Variants in BICD2 observed in about 807,000 individuals in gnomAD.
The protein encoded by BICD2 is protein bicaudal D homolog 2.
Under a neutral mutation model 72.9 loss-of-function variants are expected in BICD2, and 25 were observed. The observed-to-expected ratio is 0.34, with a 90% CI of 0.25 to 0.48. The LOEUF (loss-of-function observed/expected upper bound fraction) is 0.48. Among genes scored for constraint, BICD2 ranks in the 20% least tolerant of loss-of-function variants. BICD2 has a pLI of 0.99. For synonymous variants in BICD2, 501 were observed against 516.1 expected (o/e 0.97, Z 0.40); for missense variants, 894 against 1,175.2 (o/e 0.76, Z 3.50).
rs1029796850 is a variant in BICD2, at chr9:92,714,918, C to A, written c.*236G>T. On this transcript the variant is annotated 3_prime_UTR_variant, in exon 7 of 7. Coordinates refer to ENST00000356884, the MANE Select transcript of BICD2 (RefSeq NM_001003800.2). ...GTGCAGCTCTATCCCCACCTCTGAC[C>A]CCCACCTAAGAGAGCAGCTGAGGAC... 2 of 1,346,312 alleles carry A rather than the reference C, an allele frequency of 1.5e-6. No homozygotes were observed. The highest frequency in any genetic ancestry group is 9.5e-7 in the Non-Finnish European group (1 of 1,051,750). The allele number at this position is 1,346,312 out of a possible 1,614,324, so 83.4% of individuals were successfully genotyped here.
chr9:92,715,816 G>A (rs886425283), intron 6 of BICD2, among the ~76,000 whole-genome samples: 9 of 152,320 alleles, frequency 5.9e-5, no homozygotes, highest in African/African-American at 2.2e-4. Flanking sequence ...GCTTCTTCTA[G>A]GAGGCGCTCT....
chr9:92,760,201 C>T (rs922872231), intron 1 of BICD2, among the ~76,000 whole-genome samples: 1 of 152,156 alleles, frequency 6.6e-6, no homozygotes, highest in Admixed American at 6.5e-5. Flanking sequence ...GTGCCAGGCA[C>T]CCCCAGGGGC....
intron 1 of BICD2, among the ~76,000 whole-genome samples, chr9:92,752,419 G>A (rs924064536): frequency 3.3e-5 from 5 of 152,082 alleles, no homozygotes; most frequent in Non-Finnish European, 5.9e-5. Context: ...GCCAAAGCTG[G>A]AGCAATTTGA....
At chr9:92,754,795 C>T (rs1290909800) in intron 1 of BICD2, among the ~76,000 whole-genome samples, 1 of 152,170 alleles carries the variant, frequency 6.6e-6, no homozygotes, top group East Asian at 1.9e-4. Context: ...TTTCCTATGC[C>T]TGTCTTTACT....
chr9:92,722,586 G>A, intron 3 of BICD2, 70 bp downstream of exon 3: 1 of 1,597,642 alleles, frequency 6.3e-7, no homozygotes, highest in Non-Finnish European at 8.6e-7. Context: ...CAGGGAGAGG[G>A]GCTGAGCAAG....
In BICD2 at chr9:92,715,080, A is replaced by T; in HGVS notation, c.*74T>A. 1 of 1,512,226 alleles carries T rather than the reference A, an allele frequency of 6.6e-7. No homozygotes were observed. The highest frequency in any genetic ancestry group is 1.3e-5 in the South Asian group (1 of 75,738). 93.7% of individuals were successfully genotyped at this position (1,512,226 alleles called of 1,614,324 possible). A position where few individuals can be genotyped will look rare whatever the true frequency, so the allele number is the denominator to read the frequency against. On this transcript the variant is annotated 3_prime_UTR_variant, in exon 7 of 7. Transcript: ENST00000356884. ...TTAGTCACGTTAAGATTGACCTAGC[A>T]CCGCCGTCCCGCTGCTGCTGGGTTA... is the stretch of plus-strand genomic sequence containing the variant.
chr9:92,722,628 A>G lies in BICD2; in HGVS notation c.606+28T>C, dbSNP rs753803225. ...TCAAGGCCCAGTTAACCCACGTGCC[A>G]CCTCCACCCCACAGGCCCAAGACTC... On this transcript the variant is annotated intron_variant, in intron 3 of 6. Transcript: ENST00000356884. The G allele has an allele frequency of 1.2e-5, 19 of 1,613,110 alleles. No homozygotes were observed. In the Admixed American group the frequency reaches 3.0e-4, roughly 25 times the overall value.
chr9:92,720,032 C>A lies in BICD2; in HGVS notation c.1062+268G>T, dbSNP rs927137697. On this transcript the variant is annotated intron_variant, in intron 4 of 6. Transcript: ENST00000356884. The surrounding 1 kb of genome is among the most constrained non-coding windows in gnomAD (Gnocchi z 5.4). Reference sequence around the variant, plus strand: ...TGACACCTGGCCTGCGTGCAGGGATCACATGTGGGCCAGTGTCTCATCACT... The same window carrying A: ...TGACACCTGGCCTGCGTGCAGGGATAACATGTGGGCCAGTGTCTCATCACT... Among the ~76,000 whole-genome samples the A allele has an allele frequency of 6.6e-6, 1 of 152,212 alleles. No homozygotes were observed. Among genetic ancestry groups the A allele is most frequent in the Non-Finnish European group, 1.5e-5 (1 of 68,038 alleles).
In BICD2 at chr9:92,729,013, C is replaced by A; in HGVS notation, c.453+11G>T. On this transcript the variant is annotated intron_variant, in intron 2 of 6. Coordinates refer to ENST00000356884, the MANE Select transcript of BICD2 (RefSeq NM_001003800.2). ...TGCAGCCACAGACTAGGCCCCTCCT[C>A]ACCCCCTCACCTCCTTCAGCTCCTG... The A allele has an allele frequency of 6.2e-7, 1 of 1,612,828 alleles. No individual in the cohort carries two copies. Among genetic ancestry groups the A allele is most frequent in the African/African-American group, 1.3e-5 (1 of 75,040 alleles).
At chr9:92,727,801 C>T (rs1853595935) in intron 2 of BICD2, among the ~76,000 whole-genome samples, 1 of 152,192 alleles carries the variant, frequency 6.6e-6, no homozygotes, top group Admixed American at 6.5e-5. Context: ...CCTTCAGGGC[C>T]CCACCCAGGC....
In BICD2 at chr9:92,717,820, C is replaced by T. The variant is rs373990508; in HGVS notation, c.2235G>A (p.Ser745=). 19 of 1,611,212 alleles carry T rather than the reference C, an allele frequency of 1.2e-5. No homozygotes were observed. Among genetic ancestry groups the T allele is most frequent in the Middle Eastern group, 2.1e-4 (1 of 4,684 alleles). The stretch of plus-strand genomic sequence containing the variant: ...ACCTGGTGGCAAACATAGCACGCAG[C>T]GAGGAGAAGGTGGCTGCGTCCTCCT... ...ALKEDAATFS[S]LRAMFATRCD... is the part of the protein sequence containing the mutation. Residue 745 remains serine, a synonymous_variant, in exon 6 of 7, where the codon TCG becomes TCA. Coordinates refer to ENST00000356884, the MANE Select transcript of BICD2 (RefSeq NM_001003800.2).
chr9:92,718,943 T>C lies in BICD2; in HGVS notation c.1702A>G (p.Ser568Gly). The C allele has an allele frequency of 6.2e-7, 1 of 1,609,268 alleles. No homozygotes were observed. Among genetic ancestry groups the C allele is most frequent in the South Asian group, 1.1e-5 (1 of 91,022 alleles). ...REGQGGAGRT[S>G]PGGRTSPEAR... ...TCGGGGCTGGTGCGGCCCCCGGGACTGGTGCGGCCGGCCCCGCCCTGGCCC... is the reference window on the plus strand; with the variant it reads ...TCGGGGCTGGTGCGGCCCCCGGGACCGGTGCGGCCGGCCCCGCCCTGGCCC... Residue 568 changes from serine to glycine, a missense_variant, in exon 5 of 7, where the codon AGT (serine) becomes GGT (glycine). This residue lies in a region of BICD2 where 321 missense variants were observed against 443.9 expected (regional missense o/e 0.72). Coordinates refer to ENST00000356884, the MANE Select transcript of BICD2 (RefSeq NM_001003800.2).
intron 1 of BICD2, among the ~76,000 whole-genome samples, chr9:92,736,278 G>A (rs1853786304): frequency 6.6e-6 from 1 of 152,202 alleles, no homozygotes; most frequent in African/African-American, 2.4e-5. Context: ...ATCTCCGGTT[G>A]TCCTCACTGC....
At chr9:92,735,413 G>A (rs975100949) in intron 1 of BICD2, among the ~76,000 whole-genome samples, 13 of 151,922 alleles carry the variant, frequency 8.6e-5, no homozygotes, top group African/African-American at 1.9e-4. Context: ...GGGGCTCAGG[G>A]AAGGGATTTC....
chr9:92,743,358 T>C (rs904968752), intron 1 of BICD2, among the ~76,000 whole-genome samples: 9 of 147,418 alleles, frequency 6.1e-5, no homozygotes, highest in Middle Eastern at 3.3e-3. Flanking sequence ...ATGCCAGCTT[T>C]TTTTTTTTTT....
At position 92,722,807 on chromosome 9, in the gene BICD2, A is replaced by T. The variant is rs753172339; in HGVS notation, c.455T>A (p.Ile152Asn). ...ACGCTGGATCTCCACATTCTGGTTG[A>T]TCTGTTGGGGGAGAGGGAAAGGCAG... is the stretch of plus-strand genomic sequence containing the variant. The part of the protein sequence containing the change: ...LASVAQELKE[I>N]NQNVEIQRGR... The change falls in exon 3 of 7, where the codon ATC (isoleucine) becomes AAC (asparagine). Residue 152 changes from isoleucine to asparagine, a missense_variant and splice_region_variant. Around this residue, in one of 5 missense-constraint regions of BICD2, gnomAD observed 192 missense variants for 243.6 expected, o/e 0.79. Transcript: ENST00000356884. The T allele has an allele frequency of 6.2e-7, 1 of 1,613,978 alleles. No homozygotes were observed. The highest frequency in any genetic ancestry group is 1.1e-5 in the South Asian group (1 of 91,082).
intron 1 of BICD2, among the ~76,000 whole-genome samples, chr9:92,760,725 G>C (rs948431601): frequency 6.6e-6 from 1 of 152,114 alleles, no homozygotes; most frequent in African/African-American, 2.4e-5. Context: ...CAGGGCCCCA[G>C]CTCCCACCCA....
chr9:92,730,882 C>A (rs183929820), intron 1 of BICD2, among the ~76,000 whole-genome samples: 1 of 152,360 alleles, frequency 6.6e-6, no homozygotes, highest in South Asian at 2.1e-4. Flanking sequence ...ACACCCACTA[C>A]GTGGAAGATG....
intron 1 of BICD2, among the ~76,000 whole-genome samples, chr9:92,756,903 G>A (rs943462962): frequency 1.4e-4 from 21 of 151,316 alleles, no homozygotes; most frequent in Non-Finnish European, 2.5e-4. Flanking sequence ...AAAGACAAGA[G>A]TAAGGTGTCT....
Sources: gnomAD v4.1 joint callset for allele counts (sites outside exome capture counted in the v4.1 genomes callset) on GRCh38, gnomAD v4.1.1 for gene constraint, gnomAD v4.1.1 regional missense constraint, Gnocchi (gnomAD v3.1) non-coding constraint, MANE v1.5 for transcripts, NCBI Gene and HGNC (gene_info 2026-07-23, HGNC 2026-07-21) for gene names.